ZNF799: variants seen among roughly 807,000 people sequenced by gnomAD.
The protein encoded by ZNF799 is zinc finger protein 799.
In ZNF799, 28 loss-of-function variants were observed where a neutral mutation model predicts 41.0. The ratio of observed to expected loss-of-function variants is 0.68; its 90% confidence interval spans 0.51 to 0.94. The LOEUF is 0.94. Among genes scored for constraint, ZNF799 ranks in the 40% least tolerant of loss-of-function variants. ZNF799 has a pLI of 0.00. For missense variants in ZNF799, 716 were observed against 764.3 expected (o/e 0.94, Z 0.74); for synonymous variants, 213 against 252.9 (o/e 0.84, Z 1.50).
rs146840859 is a variant in ZNF799 at position 12,391,298 on chromosome 19, C to T, written c.1100G>A (p.Cys367Tyr). ...AGATAACGCTTTCCCACACTGCTTGCATTCATAGAGTTTCTCTCCAGTGTG... is the reference window on the plus strand; with the variant it reads ...AGATAACGCTTTCCCACACTGCTTGTATTCATAGAGTTTCTCTCCAGTGTG... ...RTHTGEKLYE[C>Y]KQCGKALSHS... Residue 367 changes from cysteine (C) to tyrosine (Y), a missense_variant, in exon 4 of 4, where the codon TGC (cysteine) becomes TAC (tyrosine). Cys to Tyr is a radical substitution (Grantham distance 194). Coordinates refer to ENST00000430385, the MANE Select transcript of ZNF799 (RefSeq NM_001080821.3). 1.1e-5 allele frequency: 18 copies of T among 1,614,192 alleles called. No homozygotes were observed. In the African/African-American group the frequency reaches 1.9e-4, roughly 17 times the overall value.
intron 1 of ZNF799, among the ~76,000 whole-genome samples, chr19:12,399,439 G>A (rs1435108676): frequency 6.6e-6 from 1 of 151,952 alleles, no homozygotes; most frequent in African/African-American, 2.4e-5. Context: ...TCCAAGGAAT[G>A]GAAACTAGGG....
At position 12,390,321 on chromosome 19, in the gene ZNF799, T is replaced by C; in HGVS notation, c.*145A>G. ...TACCCAGCAGGTATCAAGGGATGAC[T>C]GTACTGGAAAGAAACTGAAATTACT... On this transcript the variant is annotated 3_prime_UTR_variant, in exon 4 of 4. Transcript: ENST00000430385. 2.7e-6 allele frequency: 4 copies of C among 1,471,048 alleles called. No homozygotes were observed. Among genetic ancestry groups the C allele is most frequent in the South Asian group, 2.7e-5 (2 of 74,226 alleles). 91.1% of individuals were successfully genotyped at this position (1,471,048 alleles called of 1,614,324 possible).
intron 1 of ZNF799, chr19:12,393,676 A>T: frequency 1.5e-6 from 2 of 1,327,952 alleles, no homozygotes; most frequent in African/African-American, 3.0e-5. Context: ...TGAGTGAATC[A>T]CATAGCCTGG....
rs747580228 is a variant in ZNF799, at chr19:12,391,499, T to C, written c.899A>G (p.Glu300Gly). ...GGGTTTCTCATCAGTGTGAGTTGTT[T>C]CGTGTCTTCGAAGGGAAGTGGAAGC... ...FSASTSLRRH[E>G]TTHTDEKPYA... The change falls in exon 4 of 4, where the codon GAA becomes GGA. Residue 300 changes from glutamate to glycine, a missense_variant. Transcript: ENST00000430385. The C allele has an allele frequency of 1.9e-6, 3 of 1,614,132 alleles. No homozygotes were observed. The South Asian group carries it at 3.3e-5, about 18-fold the overall frequency.
chr19:12,400,829 G>A (rs1440428624), intron 1 of ZNF799: 8 of 630,300 alleles, frequency 1.3e-5, no homozygotes, highest in Middle Eastern at 4.3e-4. Flanking sequence ...CTGCGGGCGC[G>A]GAGCTGCCCA....
At position 12,390,557 on chromosome 19, in the gene ZNF799, G is replaced by A; in HGVS notation, c.1841C>T (p.Thr614Ile). The stretch of plus-strand genomic sequence containing the variant: ...TCCATACGGGTTCTCTCCAGTGTGA[G>A]TTTTTTTCCAGTGAGTCTTTTTATG... ...HRHKKTHWKKTHTGENPYGCK... is the reference protein window; with the variant it reads ...HRHKKTHWKKIHTGENPYGCK... Residue 614 changes from threonine (T) to isoleucine (I), a missense_variant, in exon 4 of 4, where the codon ACT becomes ATT. Physicochemically the swap from Thr to Ile is moderately conservative, Grantham distance 89. Transcript: ENST00000430385. 2 of 1,612,942 alleles carry A rather than the reference G, an allele frequency of 1.2e-6. No individual in the cohort carries two copies. Among genetic ancestry groups the A allele is most frequent in the East Asian group, 2.2e-5 (1 of 44,820 alleles).
At chr19:12,410,320 T>C in the ZNF799 span, among the ~76,000 whole-genome samples, 3 of 145,566 alleles carry the variant, frequency 2.1e-5, no homozygotes, top group African/African-American at 7.5e-5. Flanking sequence ...ACACTTTTCA[T>C]AGAGATGAGA....
In ZNF799 at chr19:12,391,730, T is replaced by C. The variant is rs1969823171; in HGVS notation, c.668A>G (p.Lys223Arg). ...AGAACACTGCTTACATTCATATGGT[T>C]TCTCTCCAGTGTGCGTTCTCTCATG... ...HMHERTHTGE[K>R]PYECKQCSKA... The change falls in exon 4 of 4, where the codon AAA becomes AGA. Residue 223 changes from lysine (K) to arginine (R), a missense_variant. Coordinates refer to ENST00000430385, the MANE Select transcript of ZNF799 (RefSeq NM_001080821.3). 1 of 1,614,128 alleles carries C rather than the reference T, an allele frequency of 6.2e-7. No individual in the cohort carries two copies. The highest frequency in any genetic ancestry group is 8.5e-7 in the Non-Finnish European group (1 of 1,179,986).
chr19:12,394,850 T>C, intron 1 of ZNF799: 4 of 985,086 alleles, frequency 4.1e-6, no homozygotes, highest in Non-Finnish European at 4.8e-6. Flanking sequence ...AAGTGCAGCA[T>C]TCCAAAAACA....
intron 1 of ZNF799, among the ~76,000 whole-genome samples, chr19:12,397,651 C>G (rs1969917116): frequency 6.7e-6 from 1 of 148,540 alleles, no homozygotes; most frequent in African/African-American, 2.5e-5. Flanking sequence ...ATCATATAGA[C>G]TCCTCAGTTA....
At chr19:12,400,680 C>T in intron 1 of ZNF799, 1 of 397,898 alleles carries the variant, frequency 2.5e-6, no homozygotes, top group Non-Finnish European at 4.5e-6. Context: ...ACCCCAAATC[C>T]CTCAGGGAGG....
chr19:12,408,950 A>C, the ZNF799 span, among the ~76,000 whole-genome samples: 1 of 151,810 alleles, frequency 6.6e-6, no homozygotes, highest in Non-Finnish European at 1.5e-5. Flanking sequence ...CAGGAGAATC[A>C]CTTGCACTCA....
chr19:12,393,772 C>T, intron 1 of ZNF799: 4 of 1,110,688 alleles, frequency 3.6e-6, no homozygotes, highest in Non-Finnish European at 4.5e-6. Flanking sequence ...AGGGAGTTAC[C>T]ATTAGCAGTG....
chr19:12,405,606 T>G (rs574905021), upstream of ZNF799, among the ~76,000 whole-genome samples: 153 of 152,278 alleles, frequency 1.0e-3, 1 homozygote, highest in African/African-American at 3.4e-3. Flanking sequence ...CTTCTAACAT[T>G]CCAGAAATCT....
Position 12,391,176 on chromosome 19 carries a change from A to G in ZNF799, c.1222T>C (p.Phe408Leu), listed in dbSNP as rs750751850. ...CGKAFVYPSV[F>L]QRHEKTHTAE... Reference sequence around the variant, plus strand: ...GTGTGAGTCTTTTCATGCCTTTGAAATACACTGGGATAAACAAAGGCTTTC... The same window carrying G: ...GTGTGAGTCTTTTCATGCCTTTGAAGTACACTGGGATAAACAAAGGCTTTC... Residue 408 changes from phenylalanine (F) to leucine (L), a missense_variant, in exon 4 of 4, where the codon TTT becomes CTT. By Grantham distance (22) the Phe-to-Leu change is conservative. Around this residue, in one of 2 missense-constraint regions of ZNF799, gnomAD observed 698 missense variants for 713.6 expected, o/e 0.98. Transcript: ENST00000430385. 6.2e-7 allele frequency: 1 copy of G among 1,614,192 alleles called. No individual in the cohort carries two copies. Among genetic ancestry groups the G allele is most frequent in the Admixed American group, 1.7e-5 (1 of 60,016 alleles).
At chr19:12,394,777 T>C in intron 1 of ZNF799, 1 of 985,238 alleles carries the variant, frequency 1.0e-6, no homozygotes, top group Non-Finnish European at 1.2e-6. Flanking sequence ...CAACAAAAAT[T>C]ACATTACCAA....
At chr19:12,407,224 A>G in the ZNF799 span, among the ~76,000 whole-genome samples, 1 of 152,078 alleles carries the variant, frequency 6.6e-6, no homozygotes, top group East Asian at 1.9e-4. Context: ...GGCACTTTGG[A>G]AGACCCAAAT....
At chr19:12,412,374 T>G in the ZNF799 span, among the ~76,000 whole-genome samples, 6 of 152,186 alleles carry the variant, frequency 3.9e-5, no homozygotes, top group African/African-American at 1.4e-4. Flanking sequence ...CTGTCTAGGA[T>G]GTCTATGTAA....
intron 1 of ZNF799, among the ~76,000 whole-genome samples, chr19:12,397,271 A>G (rs1412499935): frequency 3.3e-5 from 5 of 152,166 alleles, no homozygotes; most frequent in African/African-American, 1.2e-4. Flanking sequence ...GTTAAGAAAC[A>G]ACAGCCTGTC....
Sources: gnomAD v4.1 joint callset for allele counts (sites outside exome capture counted in the v4.1 genomes callset) on GRCh38, gnomAD v4.1.1 for gene constraint, gnomAD v4.1.1 regional missense constraint, MANE v1.5 for transcripts, NCBI Gene and HGNC (gene_info 2026-07-23, HGNC 2026-07-21) for gene names.